STAT2: variants seen among roughly 807,000 people sequenced by gnomAD.
The protein encoded by STAT2 is signal transducer and activator of transcription 2.
In STAT2, 51 loss-of-function variants were observed where a neutral mutation model predicts 122.3. The ratio of observed to expected loss-of-function variants is 0.42; its 90% CI spans 0.33 to 0.53. STAT2 has a LOEUF of 0.53. Ranked by LOEUF, STAT2 falls within the 20% of genes least tolerant of loss-of-function variation. The pLI, the probability that STAT2 is intolerant of heterozygous loss-of-function variation, is 0.10. For synonymous variants in STAT2, 351 were observed against 394.9 expected, an observed-to-expected ratio of 0.89 and a Z score of 1.32; for missense variants, 736 against 1,010.3, an observed-to-expected ratio of 0.73 and a Z score of 3.68.
At position 56,353,950 on chromosome 12, in the gene STAT2, C is replaced by T. The variant is rs374787252; in HGVS notation, c.782+516G>A. Among the ~76,000 whole-genome samples, 41 of 130,822 alleles carry T rather than the reference C, an allele frequency of 3.1e-4. No homozygotes were observed. In the South Asian group the frequency reaches 8.4e-3, roughly 27 times the overall value. 85.8% of individuals were successfully genotyped at this position (130,822 alleles called of 152,430 possible). On this transcript the variant is annotated intron_variant, in intron 8 of 23. Transcript: ENST00000314128. Reference sequence around the variant, plus strand: ...GTTGGAAGTTGCAGTGAGCTGAGATCGTGCCACTGCGCTCCAGCCTGGGCA... The same window carrying T: ...GTTGGAAGTTGCAGTGAGCTGAGATTGTGCCACTGCGCTCCAGCCTGGGCA...
chr12:56,354,673 C>T (rs1879239487), intron 7 of STAT2, 59 bp from the exon 8 acceptor site: 1 of 1,612,708 alleles, frequency 6.2e-7, no homozygotes, highest in African/African-American at 1.3e-5. Context: ...CACCACCCAA[C>T]TGGGGATGAA....
chr12:56,349,107 A>G, intron 16 of STAT2, 48 bp from the exon 17 acceptor site: 1 of 1,613,882 alleles, frequency 6.2e-7, no homozygotes, highest in Non-Finnish European at 8.5e-7. Flanking sequence ...AACCTATCAC[A>G]CCAAGCTTCC....
chr12:56,351,073 TG>T, intron 10 of STAT2, 24 bp downstream of exon 10: 2 of 1,608,370 alleles, frequency 1.2e-6, no homozygotes, highest in South Asian at 1.1e-5. Context: ...AAAAAGGAAG[TG>T]GGAATGAGTT....
At chr12:56,359,588 C>G (rs1017393079) in intron 1 of STAT2, among the ~76,000 whole-genome samples, 2 of 152,160 alleles carry the variant, frequency 1.3e-5, no homozygotes, top group African/African-American at 4.8e-5. Context: ...ATCTCTCATT[C>G]TTAGGCACAT....
chr12:56,351,271 G>T, intron 9 of STAT2, 21 bp downstream of exon 9: 1 of 1,613,140 alleles, frequency 6.2e-7, no homozygotes, highest in Non-Finnish European at 8.5e-7. Context: ...TTCCCCCAGG[G>T]TTCCTGCCTG....
At position 56,348,331 on chromosome 12, in the gene STAT2, C is replaced by A. The variant is rs7956211; in HGVS notation, c.1724+198G>T. Among the ~76,000 whole-genome samples, 1,482 of 152,166 alleles carry A rather than the reference C, an allele frequency of 9.7e-3. 25 individuals are homozygous for A. The highest frequency in any genetic ancestry group is 0.033 in the African/African-American group (1,383 of 41,502). On this transcript the variant is annotated intron_variant, in intron 19 of 23. Coordinates refer to ENST00000314128, the MANE Select transcript of STAT2 (RefSeq NM_005419.4). ...CTCGATCTCCTGACCTCATGATCCG[C>A]CCGCCTCGGCCTCCCAAAGTGCTGG...
chr12:56,353,010 G>C (rs1449496346), intron 8 of STAT2, among the ~76,000 whole-genome samples: 9 of 150,390 alleles, frequency 6.0e-5, no homozygotes, highest in Non-Finnish European at 1.2e-4. Flanking sequence ...TTGAGACGGA[G>C]TCTCGCTCTG....
At chr12:56,347,879 CAT>C (rs780887898) in intron 19 of STAT2, among the ~76,000 whole-genome samples, 2 of 152,140 alleles carry the variant, frequency 1.3e-5, no homozygotes, top group Non-Finnish European at 2.9e-5. Flanking sequence ...CTTGGAGTCA[CAT>C]AGGCCTGGAT....
At position 56,348,766 on chromosome 12, in the gene STAT2, C is replaced by T; in HGVS notation, c.1615G>A (p.Ala539Thr). 1.9e-6 allele frequency: 3 copies of T among 1,614,166 alleles called. No individual in the cohort carries two copies. Among genetic ancestry groups the T allele is most frequent in the Non-Finnish European group, 1.7e-6 (2 of 1,180,036 alleles). Residue 539 changes from alanine (A) to threonine (T), a missense_variant, in exon 18 of 24, where the codon GCT becomes ACT. Coordinates refer to ENST00000314128, the MANE Select transcript of STAT2 (RefSeq NM_005419.4). ...CRTEDPLLSW[A>T]DFTKRESPPG... The stretch of plus-strand genomic sequence containing the variant: ...CAGGGAGTTACCTTAGTGAAGTCAG[C>T]CCAGGACAATAATGGATCCTCAGTC...
At chr12:56,349,925 T>A in intron 13 of STAT2, 172 bp downstream of exon 13, 2 of 674,588 alleles carry the variant, frequency 3.0e-6, no homozygotes, top group South Asian at 3.6e-5. Flanking sequence ...GGTGTGTGCC[T>A]ATAGTCTCAG....
chr12:56,349,333 G>A (rs1318184212), intron 15 of STAT2, 72 bp from the exon 16 acceptor site: 1 of 1,614,076 alleles, frequency 6.2e-7, no homozygotes. Context: ...GAGGAAAGGA[G>A]TGCTAACCCA....
intron 22 of STAT2, among the ~76,000 whole-genome samples, chr12:56,344,552 C>A (rs1294869146): frequency 1.3e-5 from 2 of 152,186 alleles, no homozygotes; most frequent in Admixed American, 6.5e-5. Context: ...TAAATGCAAA[C>A]CATTTAGCCT....
intron 1 of STAT2, among the ~76,000 whole-genome samples, chr12:56,357,710 C>CTT (rs940388949): frequency 5.8e-4 from 75 of 130,118 alleles, no homozygotes; most frequent in Middle Eastern, 4.2e-3. Context: ...AATTTTCTTT[C>CTT]TTTTTTTTTT....
chr12:56,358,320 A>G (rs551443132), intron 1 of STAT2, among the ~76,000 whole-genome samples: 1 of 147,758 alleles, frequency 6.8e-6, no homozygotes, highest in East Asian at 2.0e-4. Flanking sequence ...ATCTCGGCTC[A>G]CTGCAAACTC....
Position 56,343,441 on chromosome 12 carries a change from G to C in STAT2, c.2504C>G (p.Ser835Cys), listed in dbSNP as rs1214990324. ...GQNTVDEVYV[S>C]RPSHFYTDGP... Reference sequence around the variant, plus strand: ...ATCAGTGTAGAAGTGGCTGGGGCGGGAGACGTAAACCTCATCCACGGTGTT... The same window carrying C: ...ATCAGTGTAGAAGTGGCTGGGGCGGCAGACGTAAACCTCATCCACGGTGTT... The change falls in exon 24 of 24, where the codon TCC (serine) becomes TGC (cysteine). Residue 835 changes from serine (S) to cysteine (C), a missense_variant. Physicochemically the swap from Ser to Cys is moderately radical, Grantham distance 112. Coordinates refer to ENST00000314128, the MANE Select transcript of STAT2 (RefSeq NM_005419.4). The C allele has an allele frequency of 1.2e-6, 2 of 1,614,176 alleles. No homozygotes were observed. The highest frequency in any genetic ancestry group is 1.1e-5 in the South Asian group (1 of 91,082).
In STAT2 at chr12:56,342,826, G is replaced by C. The variant is rs1212952072; in HGVS notation, c.*563C>G. 1 of 152,202 alleles carries C rather than the reference G, an allele frequency of 6.6e-6. No homozygotes were observed. Among genetic ancestry groups the C allele is most frequent in the Non-Finnish European group, 1.5e-5 (1 of 68,130 alleles). 9.4% of individuals were successfully genotyped at this position (152,202 alleles called of 1,614,324 possible). A position where few individuals can be genotyped will look rare whatever the true frequency, so the allele number is the denominator to read the frequency against. Reference sequence around the variant, plus strand: ...ACTTCCTATCCATCCCTTTCTTCAGGGTAGAGTTTCACATGGTAGGCTAAG... The same window carrying C: ...ACTTCCTATCCATCCCTTTCTTCAGCGTAGAGTTTCACATGGTAGGCTAAG... On this transcript the variant is annotated 3_prime_UTR_variant, in exon 24 of 24. Transcript: ENST00000314128.
At chr12:56,352,985 C>CTT (rs75253735) in intron 8 of STAT2, among the ~76,000 whole-genome samples, 10 of 142,028 alleles carry the variant, frequency 7.0e-5, no homozygotes, top group Non-Finnish European at 7.8e-5. Context: ...CATGCCTAAT[C>CTT]TTTTTTTTTT....
rs145539690 is a variant in STAT2 at position 56,342,696 on chromosome 12, G to A, written c.*693C>T. 1 of 152,290 alleles carries A rather than the reference G, an allele frequency of 6.6e-6. No individual in the cohort carries two copies. The highest frequency in any genetic ancestry group is 1.9e-4 in the East Asian group (1 of 5,184). The allele number at this position is 152,290 out of a possible 1,614,324, so 9.4% of individuals were successfully genotyped here. A position where few individuals can be genotyped will look rare whatever the true frequency, so the allele number is the denominator to read the frequency against. ...TAGGTAGCATAAACTAGTGTGCAAAGCTTCACACTCACATTAGATTGGCAG... is the reference window on the plus strand; with the variant it reads ...TAGGTAGCATAAACTAGTGTGCAAAACTTCACACTCACATTAGATTGGCAG... On this transcript the variant is annotated 3_prime_UTR_variant, in exon 24 of 24. Coordinates refer to ENST00000314128, the MANE Select transcript of STAT2 (RefSeq NM_005419.4).
intron 1 of STAT2, among the ~76,000 whole-genome samples, chr12:56,359,219 T>A (rs1182165398): frequency 6.6e-6 from 1 of 152,202 alleles, no homozygotes; most frequent in Non-Finnish European, 1.5e-5. Context: ...ACTCTTTTAG[T>A]AGTGCTTGAT....
Sources: gnomAD v4.1 joint callset for allele counts (sites outside exome capture counted in the v4.1 genomes callset) on GRCh38, gnomAD v4.1.1 for gene constraint, MANE v1.5 for transcripts, NCBI Gene and HGNC (gene_info 2026-07-23, HGNC 2026-07-21) for gene names.